The following TMEFF1 variants were observed in gnomAD, a reference collection of about 807,000 sequenced individuals.
TMEFF1 encodes tomoregulin-1.
In TMEFF1, 20 loss-of-function variants were observed where a neutral mutation model predicts 47.5. The ratio of observed to expected loss-of-function variants is 0.42; its 90% CI spans 0.30 to 0.61. The LOEUF is 0.61. Among genes scored for constraint, TMEFF1 ranks in the 20% least tolerant of loss-of-function variants. TMEFF1 has a pLI of 0.19. For synonymous variants in TMEFF1, 162 were observed against 166.3 expected (o/e 0.97, Z 0.20); for missense variants, 411 against 471.1 (o/e 0.87, Z 1.18).
Position 100,477,344 on chromosome 9 carries a change from C to T in TMEFF1, c.196+3604C>T, listed in dbSNP as rs147207467. 2.5e-3 allele frequency among the ~76,000 whole-genome samples: 379 copies of T among 152,292 alleles called. 2 individuals are homozygous for T. The highest frequency in any genetic ancestry group is 0.018 in the South Asian group (88 of 4,828). On this transcript the variant is annotated intron_variant, in intron 1 of 9. Transcript: ENST00000374879. ...AGATTTTCGAGCTTCTGCTGTTCAACATTTTCCCATTTTGTTCACCAGCCT... is the reference window on the plus strand; with the variant it reads ...AGATTTTCGAGCTTCTGCTGTTCAATATTTTCCCATTTTGTTCACCAGCCT...
In TMEFF1 at chr9:100,509,071, A is replaced by G. The variant is rs757952183; in HGVS notation, c.373A>G (p.Arg125Gly). The change falls in exon 3 of 10, where the codon AGA becomes GGA. Residue 125 changes from arginine to glycine, a missense_variant. Arg to Gly is a moderately radical substitution (Grantham distance 125). Transcript: ENST00000374879. ...GDTYQNECFL[R>G]RAACKHQKEI... ...CACTTATCAAAATGAATGCTTTCTC[A>G]GAAGGGCTGCTTGTAAGCACCAGAA... is the stretch of plus-strand genomic sequence containing the variant. 2 of 1,602,116 alleles carry G rather than the reference A, an allele frequency of 1.2e-6. No homozygotes were observed. Among genetic ancestry groups the G allele is most frequent in the Admixed American group, 1.7e-5 (1 of 57,660 alleles).
intron 5 of TMEFF1, among the ~76,000 whole-genome samples, chr9:100,542,859 T>A (rs1052151658): frequency 6.6e-6 from 1 of 152,104 alleles, no homozygotes; most frequent in Non-Finnish European, 1.5e-5. Flanking sequence ...CCTCATTTTC[T>A]TAACTCCTGG....
At chr9:100,475,611 T>C (rs1837208805) in intron 1 of TMEFF1, among the ~76,000 whole-genome samples, 1 of 152,174 alleles carries the variant, frequency 6.6e-6, no homozygotes. Flanking sequence ...ATGGGATGTT[T>C]TTGTGTGTAC....
At chr9:100,518,353 T>C in intron 5 of TMEFF1, 1 of 770,852 alleles carries the variant, frequency 1.3e-6, no homozygotes, top group Non-Finnish European at 1.6e-6. Context: ...AGCAACTCTG[T>C]TGTGTTTACT....
chr9:100,496,827 C>T (rs1678338606), intron 1 of TMEFF1, among the ~76,000 whole-genome samples: 2 of 152,008 alleles, frequency 1.3e-5, no homozygotes, highest in Admixed American at 6.6e-5. Context: ...GTAATAGAAC[C>T]CAGTGTGAAC....
intron 5 of TMEFF1, among the ~76,000 whole-genome samples, chr9:100,526,955 CAAAAAAAAAAA>C (rs55736750): frequency 2.6e-4 from 10 of 38,982 alleles, no homozygotes; most frequent in Admixed American, 8.5e-4. Context: ...GCTAAAAATA[CAAAAAAAAAAA>C]AAAAAAAAAA....
intron 5 of TMEFF1, among the ~76,000 whole-genome samples, chr9:100,524,950 A>G (rs190525471): frequency 3.7e-4 from 57 of 152,248 alleles, no homozygotes; most frequent in African/African-American, 1.3e-3. Flanking sequence ...CTTATGGTCA[A>G]GCCAAGCCAA....
intron 7 of TMEFF1, among the ~76,000 whole-genome samples, chr9:100,554,724 G>C (rs1377567185): frequency 1.3e-5 from 2 of 151,866 alleles, no homozygotes; most frequent in East Asian, 3.9e-4. Flanking sequence ...ATGGTGGTTA[G>C]GGAAGGATGT....
intron 2 of TMEFF1, among the ~76,000 whole-genome samples, chr9:100,504,148 C>T (rs1837814896): frequency 6.6e-6 from 1 of 152,174 alleles, no homozygotes; most frequent in Admixed American, 6.5e-5. Flanking sequence ...TTCCTCCCAA[C>T]AAGGGTGGCA....
intron 5 of TMEFF1, among the ~76,000 whole-genome samples, chr9:100,522,969 A>G (rs1838192902): frequency 6.6e-6 from 1 of 152,050 alleles, no homozygotes; most frequent in South Asian, 2.1e-4. Context: ...TGATCTCCTG[A>G]CTTAGTGATT....
chr9:100,477,125 TCA>T (rs1442851843), intron 1 of TMEFF1, among the ~76,000 whole-genome samples: 1 of 152,250 alleles, frequency 6.6e-6, no homozygotes, highest in Non-Finnish European at 1.5e-5. Context: ...GTTGGGTCAC[TCA>T]CAGGTTTTTT....
chr9:100,561,343 T>G, intron 7 of TMEFF1, 54 bp from the exon 8 acceptor site: 1 of 1,584,332 alleles, frequency 6.3e-7, no homozygotes. Flanking sequence ...TGAAAAGTCC[T>G]TATTTTTCAG....
intron 5 of TMEFF1, among the ~76,000 whole-genome samples, chr9:100,519,267 G>T (rs1287802299): frequency 6.6e-6 from 1 of 152,010 alleles, no homozygotes; most frequent in East Asian, 1.9e-4. Flanking sequence ...AATTAGCTGG[G>T]TGTGGTGGCA....
chr9:100,515,518 T>G (rs1838050756), intron 4 of TMEFF1, among the ~76,000 whole-genome samples: 1 of 152,168 alleles, frequency 6.6e-6, no homozygotes, highest in South Asian at 2.1e-4. Context: ...CCGGGTGTGG[T>G]GGCTCATGCC....
intron 5 of TMEFF1, among the ~76,000 whole-genome samples, chr9:100,527,414 A>G (rs1838283404): frequency 6.6e-6 from 1 of 152,226 alleles, no homozygotes; most frequent in South Asian, 2.1e-4. Context: ...AGGGCGAGGC[A>G]TTGCCTCACT....
intron 1 of TMEFF1, among the ~76,000 whole-genome samples, chr9:100,478,083 A>G (rs1837269115): frequency 6.6e-6 from 1 of 152,124 alleles, no homozygotes; most frequent in South Asian, 2.1e-4. Flanking sequence ...AGTTATTTGG[A>G]TCAGAAAGCA....
intron 5 of TMEFF1, among the ~76,000 whole-genome samples, chr9:100,540,962 T>G (rs1838616993): frequency 6.6e-6 from 1 of 152,232 alleles, no homozygotes; most frequent in East Asian, 1.9e-4. Flanking sequence ...ACTACTTATT[T>G]GTTGATTATG....
Position 100,576,720 on chromosome 9 carries a change from G to A in TMEFF1, c.*120G>A. ...TGGACATTTTTAGTGTAGTACTGTT[G>A]GCTCGTATTTAGAATATTCAGCTAC... On this transcript the variant is annotated 3_prime_UTR_variant, in exon 10 of 10. Coordinates refer to ENST00000374879, the MANE Select transcript of TMEFF1 (RefSeq NM_003692.5). The A allele has an allele frequency of 8.3e-7, 1 of 1,209,920 alleles. No individual in the cohort carries two copies. Among genetic ancestry groups the A allele is most frequent in the Admixed American group, 2.6e-5 (1 of 38,378 alleles). The allele number at this position is 1,209,920 out of a possible 1,614,324, so 74.9% of individuals were successfully genotyped here.
chr9:100,559,663 A>T (rs1192397663), intron 7 of TMEFF1, among the ~76,000 whole-genome samples: 1 of 151,840 alleles, frequency 6.6e-6, no homozygotes, highest in Non-Finnish European at 1.5e-5. Flanking sequence ...ACTAGAAAAT[A>T]TAAAATTACA....
Sources: allele counts gnomAD v4.1 joint callset (sites outside exome capture counted in the v4.1 genomes callset), GRCh38; gene constraint gnomAD v4.1.1; transcripts MANE v1.5; gene names NCBI Gene and HGNC (gene_info 2026-07-23, HGNC 2026-07-21).